RBFOX1: variants seen among roughly 807,000 people sequenced by gnomAD.
The protein encoded by RBFOX1 is RNA binding protein fox-1 homolog 1.
In RBFOX1, 8 loss-of-function variants were observed where a neutral mutation model predicts 57.7. The ratio of observed to expected loss-of-function variants is 0.14; its 90% CI spans 0.08 to 0.25. The LOEUF (loss-of-function observed/expected upper bound fraction) is 0.25. RBFOX1 is among the 10% of genes least tolerant of loss of function. The probability of loss-of-function intolerance (pLI) is 1.00; values close to 1 mark genes in which losing one functional copy is unlikely to be tolerated. For missense variants in RBFOX1, 611 were observed against 548.5 expected, an observed-to-expected ratio of 1.11 and a Z score of -1.14; for synonymous variants, 326 against 222.4, an observed-to-expected ratio of 1.47 and a Z score of -4.15.
In RBFOX1 at chr16:5,753,495, C is replaced by G. The variant is rs181359418; in HGVS notation, c.319-113808C>G. 5.3e-5 allele frequency among the ~76,000 whole-genome samples: 8 copies of G among 152,266 alleles called. No individual in the cohort carries two copies. In the South Asian group the frequency reaches 1.2e-3, roughly 24 times the overall value. ...AGACAGAGGAATCCCTCTAAATATGCGGCAACGGAGTTGCTTCTGTTTCTA... is the reference window on the plus strand; with the variant it reads ...AGACAGAGGAATCCCTCTAAATATGGGGCAACGGAGTTGCTTCTGTTTCTA... On this transcript the variant is annotated intron_variant, in intron 3 of 19. Coordinates refer to the RBFOX1 transcript ENST00000641259.
At chr16:6,137,798 A>G (rs2096679056) in intron 1 of RBFOX1, among the ~76,000 whole-genome samples, 1 of 151,706 alleles carries the variant, frequency 6.6e-6, no homozygotes. Flanking sequence ...TTGTAGAGAC[A>G]GGTTCCCACT....
At chr16:5,982,571 C>A (rs1411676274) in intron 4 of RBFOX1, among the ~76,000 whole-genome samples, 2 of 152,196 alleles carry the variant, frequency 1.3e-5, no homozygotes, top group East Asian at 3.9e-4. Context: ...CCACTGTGCC[C>A]AGCCTGCACA....
At chr16:6,487,712 T>A (rs1296448406) in intron 2 of RBFOX1, among the ~76,000 whole-genome samples, 46 of 6,090 alleles carry the variant, frequency 7.6e-3, no homozygotes, top group Non-Finnish European at 8.8e-3. Context: ...TATATATATA[T>A]ATATATATAT....
At chr16:7,638,961 T>C (rs2062268056) in intron 11 of RBFOX1, among the ~76,000 whole-genome samples, 1 of 149,712 alleles carries the variant, frequency 6.7e-6, no homozygotes, top group Non-Finnish European at 1.5e-5. Context: ...TTGCATTTTG[T>C]ACCATTTTAT....
At chr16:5,804,261 G>A (rs1022987012) in intron 3 of RBFOX1, among the ~76,000 whole-genome samples, 2 of 152,198 alleles carry the variant, frequency 1.3e-5, no homozygotes, top group Admixed American at 1.3e-4. Context: ...TGGATAGGTG[G>A]ATAGATGGGG....
chr16:7,047,008 A>G (rs1290213161), intron 3 of RBFOX1, among the ~76,000 whole-genome samples: 1 of 149,662 alleles, frequency 6.7e-6, no homozygotes, highest in Non-Finnish European at 1.5e-5. Context: ...AACATATTTT[A>G]ATGAACTCAA....
At chr16:6,871,962 T>TGTGTGTGTGTGTGTG (rs2060982913) in intron 3 of RBFOX1, among the ~76,000 whole-genome samples, 3 of 144,608 alleles carry the variant, frequency 2.1e-5, no homozygotes, top group African/African-American at 7.6e-5. Context: ...TGTGTGTGTG[T>TGTGTGTGTGTGTGTG]TTCCCTCGGT....
At chr16:5,350,879 T>G (rs1354963703) in intron 1 of RBFOX1, among the ~76,000 whole-genome samples, 1 of 144,934 alleles carries the variant, frequency 6.9e-6, no homozygotes, top group Non-Finnish European at 1.5e-5. Context: ...AAAATCATAA[T>G]CATAATCATA....
At chr16:7,554,219 G>C (rs190703218) in intron 5 of RBFOX1, among the ~76,000 whole-genome samples, 4 of 152,308 alleles carry the variant, frequency 2.6e-5, no homozygotes, top group Admixed American at 2.6e-4. Context: ...GATCGAGCTA[G>C]GGGAACAAAG....
At chr16:6,871,557 C>G (rs966720972) in intron 3 of RBFOX1, among the ~76,000 whole-genome samples, 3 of 152,114 alleles carry the variant, frequency 2.0e-5, no homozygotes, top group East Asian at 1.9e-4. Flanking sequence ...GGTTTATCCC[C>G]TCTTAATTAC....
At chr16:5,823,368 A>G (rs1230938596) in intron 3 of RBFOX1, among the ~76,000 whole-genome samples, 4 of 152,212 alleles carry the variant, frequency 2.6e-5, no homozygotes, top group African/African-American at 4.8e-5. Flanking sequence ...GCCTCTTGGA[A>G]CTAATGAGCT....
chr16:7,239,487 A>G (rs1362522750), intron 4 of RBFOX1, among the ~76,000 whole-genome samples: 1 of 152,204 alleles, frequency 6.6e-6, no homozygotes, highest in East Asian at 1.9e-4. Context: ...CAACAGAGCA[A>G]GACTGTCTAA....
In RBFOX1 at chr16:7,210,588, T is replaced by G. The variant is rs980697836; in HGVS notation, c.27+158490T>G. On this transcript the variant is annotated intron_variant, in intron 4 of 15. Coordinates refer to ENST00000550418, the MANE Select transcript of RBFOX1 (RefSeq NM_018723.4). ...TTCTAACCAGGTTGACACTTAAGAC[T>G]GACCGTCATACTGATGCTAATGTTG... 2.0e-5 allele frequency among the ~76,000 whole-genome samples: 3 copies of G among 150,774 alleles called. No homozygotes were observed. The East Asian group carries it at 6.0e-4, about 30-fold the overall frequency.
At position 6,865,894 on chromosome 16, in the gene RBFOX1, A is replaced by T. The variant is rs1268539643; in HGVS notation, c.-15-186163A>T. Among the ~76,000 whole-genome samples the T allele has an allele frequency of 2.6e-5, 4 of 152,200 alleles. No individual in the cohort carries two copies. The East Asian group carries it at 7.7e-4, about 29-fold the overall frequency. ...CTGACAAGTCTTTTGCCTTCTAAGT[A>T]ACTTAGTGTTGAAACATTACATGAA... On this transcript the variant is annotated intron_variant, in intron 3 of 15. Transcript: ENST00000550418.
chr16:6,876,507 C>A (rs1323829627), intron 3 of RBFOX1, among the ~76,000 whole-genome samples: 4 of 152,150 alleles, frequency 2.6e-5, no homozygotes, highest in Non-Finnish European at 5.9e-5. Context: ...AGCGCTGTAC[C>A]TAGCACACAG....
chr16:7,456,300 T>C (rs1254278878), intron 4 of RBFOX1, among the ~76,000 whole-genome samples: 1 of 152,192 alleles, frequency 6.6e-6, no homozygotes, highest in African/African-American at 2.4e-5. Context: ...AGGTACCTGG[T>C]TCATTCTTCA....
intron 3 of RBFOX1, among the ~76,000 whole-genome samples, chr16:6,727,037 G>C (rs1043845169): frequency 6.8e-5 from 2 of 29,430 alleles, no homozygotes; most frequent in Non-Finnish European, 2.4e-4. Flanking sequence ...ATGACCTTCA[G>C]GTATTTGGAC....
intron 4 of RBFOX1, among the ~76,000 whole-genome samples, chr16:7,420,924 TACACATATATATATACAC>T (rs1568794252): frequency 1.4e-5 from 2 of 146,274 alleles, no homozygotes; most frequent in African/African-American, 5.1e-5. Context: ...TATATATATA[TACACATATATATATACAC>T]ACACACACAC....
chr16:6,597,882 A>G (rs920579705), intron 2 of RBFOX1, among the ~76,000 whole-genome samples: 1 of 152,218 alleles, frequency 6.6e-6, no homozygotes, highest in African/African-American at 2.4e-5. Context: ...TCTTGGCACC[A>G]TGAAGTGAGT....
Sources: gnomAD v4.1 joint callset for allele counts (sites outside exome capture counted in the v4.1 genomes callset) on GRCh38, gnomAD v4.1.1 for gene constraint, MANE v1.5 for transcripts, NCBI Gene and HGNC (gene_info 2026-07-23, HGNC 2026-07-21) for gene names.